The following ARHGAP15 variants were observed in gnomAD, a reference collection of about 807,000 sequenced individuals.
ARHGAP15 encodes the protein rho GTPase-activating protein 15.
Under a neutral mutation model 63.7 loss-of-function variants are expected in ARHGAP15, and 51 were observed. That is an observed-to-expected ratio of 0.80 (90% CI 0.64 to 1.01). The LOEUF (loss-of-function observed/expected upper bound fraction) is 1.01, where lower values mean the gene tolerates loss of function less well. Ranked by LOEUF, ARHGAP15 falls within the 50% of genes least tolerant of loss-of-function variation. ARHGAP15 has a pLI of 0.00. For synonymous variants in ARHGAP15, 191 were observed against 193.8 expected (o/e 0.99, Z 0.12); for missense variants, 560 against 564.6 (o/e 0.99, Z 0.08).
At chr2:143,659,685 C>T (rs1681648468) in intron 12 of ARHGAP15, among the ~76,000 whole-genome samples, 1 of 152,190 alleles carries the variant, frequency 6.6e-6, no homozygotes, top group African/African-American at 2.4e-5. Context: ...GTCTGCCCTT[C>T]CTAGGCAGGC....
rs747338116 is a variant in ARHGAP15, at chr2:143,202,106, A to G, written c.166-28A>G. On this transcript the variant is annotated intron_variant, in intron 2 of 13. Transcript: ENST00000295095. ...AAACTCTATCAAGAAAAATTATGTA[A>G]TAATATCCAATGTCAATATATTTGC... 5.1e-6 allele frequency: 8 copies of G among 1,574,020 alleles called. No individual in the cohort carries two copies. In the Admixed American group the frequency reaches 1.3e-4, roughly 26 times the overall value.
rs571014616 is a variant in ARHGAP15, at chr2:143,311,030, A to G, written c.474+60430A>G. ...AAAAACATATCTCTGGCTATTTTTAAGGGTTGTTATTTTTTCTCAAAATAT... is the reference window on the plus strand; with the variant it reads ...AAAAACATATCTCTGGCTATTTTTAGGGGTTGTTATTTTTTCTCAAAATAT... On this transcript the variant is annotated intron_variant, in intron 6 of 13. Transcript: ENST00000295095. Among the ~76,000 whole-genome samples, 4 of 152,024 alleles carry G rather than the reference A, an allele frequency of 2.6e-5. No individual in the cohort carries two copies. In the East Asian group the frequency reaches 5.8e-4, roughly 22 times the overall value.
chr2:143,351,870 C>T (rs1484571217), intron 6 of ARHGAP15, among the ~76,000 whole-genome samples: 2 of 152,074 alleles, frequency 1.3e-5, no homozygotes, highest in Non-Finnish European at 2.9e-5. Context: ...ATGGTATTTA[C>T]TCCAGGAAGT....
intron 6 of ARHGAP15, among the ~76,000 whole-genome samples, chr2:143,293,150 G>A (rs533871354): frequency 6.6e-6 from 1 of 152,152 alleles, no homozygotes; most frequent in East Asian, 1.9e-4. Flanking sequence ...GGGTCTGGTT[G>A]TATTGATACC....
At chr2:143,146,718 C>T (rs1377585983) in intron 1 of ARHGAP15, among the ~76,000 whole-genome samples, 1 of 151,992 alleles carries the variant, frequency 6.6e-6, no homozygotes, top group Admixed American at 6.6e-5. Flanking sequence ...ACTCTGAAAA[C>T]TTTTATTTTA....
chr2:143,618,959 G>C (rs1698550163), intron 11 of ARHGAP15, among the ~76,000 whole-genome samples: 1 of 151,634 alleles, frequency 6.6e-6, no homozygotes, highest in African/African-American at 2.4e-5. Context: ...CGAGTAGCTG[G>C]GATTACAGGC....
At position 143,756,670 on chromosome 2, in the gene ARHGAP15, C is replaced by A. The variant is rs192039224; in HGVS notation, c.1245-11319C>A. On this transcript the variant is annotated intron_variant, in intron 13 of 13. Transcript: ENST00000295095. Reference sequence around the variant, plus strand: ...TAAAAAAAAAAATAACTGAAATAATCATTGTGCTAATAGGGCATTTCCATT... The same window carrying A: ...TAAAAAAAAAAATAACTGAAATAATAATTGTGCTAATAGGGCATTTCCATT... Among the ~76,000 whole-genome samples, 914 of 152,056 alleles carry A rather than the reference C, an allele frequency of 6.0e-3. 8 individuals carry two copies. Among genetic ancestry groups the A allele is most frequent in the Middle Eastern group, 0.021 (6 of 292 alleles).
rs1685275998 is a variant in ARHGAP15, at chr2:143,346,204, A to ACACACACACTCTCTCTCTCT, written c.475-89380_475-89379insTCTCACACACACTCTCTCTC. On this transcript the variant is annotated intron_variant, in intron 6 of 13. Transcript: ENST00000295095. ...CTCTCACACACACACTCTCTCTCTC[A>ACACACACACTCTCTCTCTCT]CACACACACTCTCTCTCACACACAC... Among the ~76,000 whole-genome samples, 8 of 144,738 alleles carry ACACACACACTCTCTCTCTCT rather than the reference A, an allele frequency of 5.5e-5. No individual in the cohort carries two copies. The South Asian group carries it at 1.1e-3, about 20-fold the overall frequency. 95.0% of individuals were successfully genotyped at this position (144,738 alleles called of 152,430 possible).
At chr2:143,656,761 T>C (rs1468033554) in intron 12 of ARHGAP15, among the ~76,000 whole-genome samples, 1 of 152,194 alleles carries the variant, frequency 6.6e-6, no homozygotes, top group African/African-American at 2.4e-5. Flanking sequence ...TTCCAAAGCC[T>C]TCCTTGGTGA....
chr2:143,693,883 A>G (rs757320759), intron 12 of ARHGAP15, among the ~76,000 whole-genome samples: 5 of 152,228 alleles, frequency 3.3e-5, no homozygotes, highest in Non-Finnish European at 5.9e-5. Context: ...TCAGGCTTGG[A>G]ATGAGCTGTT....
chr2:143,658,986 T>G (rs1681602472), intron 12 of ARHGAP15, among the ~76,000 whole-genome samples: 1 of 152,186 alleles, frequency 6.6e-6, no homozygotes, highest in Non-Finnish European at 1.5e-5. Context: ...AGAATAGATG[T>G]AGGATAGACA....
intron 6 of ARHGAP15, among the ~76,000 whole-genome samples, chr2:143,391,823 G>A (rs1687549163): frequency 6.6e-6 from 1 of 152,128 alleles, no homozygotes; most frequent in African/African-American, 2.4e-5. Flanking sequence ...CTTTTTAAGG[G>A]AAATCATGAG....
At chr2:143,742,777 GATA>G (rs751701429) in intron 13 of ARHGAP15, among the ~76,000 whole-genome samples, 14 of 152,224 alleles carry the variant, frequency 9.2e-5, no homozygotes, top group African/African-American at 2.7e-4. Flanking sequence ...GCTTGTCAGT[GATA>G]ATAATTGAAA....
intron 2 of ARHGAP15, among the ~76,000 whole-genome samples, chr2:143,190,688 C>T (rs1039041129): frequency 9.9e-5 from 15 of 152,214 alleles, no homozygotes; most frequent in African/African-American, 3.6e-4. Context: ...ATGGCTGTTG[C>T]AGGCAGTCTT....
intron 6 of ARHGAP15, among the ~76,000 whole-genome samples, chr2:143,409,360 A>C (rs1263339343): frequency 1.3e-5 from 2 of 151,954 alleles, no homozygotes; most frequent in African/African-American, 2.4e-5. Context: ...ATAGAATCTT[A>C]TTAATTTATG....
intron 9 of ARHGAP15, among the ~76,000 whole-genome samples, chr2:143,494,215 G>A (rs1282465382): frequency 6.6e-6 from 1 of 152,026 alleles, no homozygotes; most frequent in Non-Finnish European, 1.5e-5. Flanking sequence ...GTGATCATTA[G>A]ATCATCTGAA....
intron 9 of ARHGAP15, among the ~76,000 whole-genome samples, chr2:143,506,948 T>G (rs1469003004): frequency 2.0e-5 from 3 of 152,176 alleles, no homozygotes; most frequent in African/African-American, 7.2e-5. Flanking sequence ...TTTTCTTTTG[T>G]AAATTTTTCT....
chr2:143,410,517 C>T (rs1359061748), intron 6 of ARHGAP15, among the ~76,000 whole-genome samples: 1 of 152,172 alleles, frequency 6.6e-6, no homozygotes, highest in Non-Finnish European at 1.5e-5. Context: ...ATTCATTCTG[C>T]AAATACTTAG....
intron 12 of ARHGAP15, among the ~76,000 whole-genome samples, chr2:143,669,359 CACTT>C (rs1284297590): frequency 6.6e-6 from 1 of 152,176 alleles, no homozygotes; most frequent in African/African-American, 2.4e-5. Context: ...GGACATGAAT[CACTT>C]ACCTATACCA....
Sources: allele counts gnomAD v4.1 joint callset (sites outside exome capture counted in the v4.1 genomes callset), GRCh38; gene constraint gnomAD v4.1.1; transcripts MANE v1.5; gene names NCBI Gene and HGNC (gene_info 2026-07-23, HGNC 2026-07-21).